The following LATS1 variants were observed in gnomAD, a reference collection of about 807,000 sequenced individuals.
LATS1 encodes large tumor suppressor kinase 1.
In LATS1, 25 loss-of-function variants were observed where a neutral mutation model predicts 106.6. The observed-to-expected ratio is 0.23, with a 90% confidence interval of 0.17 to 0.33. The LOEUF (loss-of-function observed/expected upper bound fraction) is 0.33, where lower values mean the gene tolerates loss of function less well. Ranked by LOEUF, LATS1 falls within the 10% of genes least tolerant of loss-of-function variation. LATS1 has a pLI of 1.00. For missense variants in LATS1, 1,040 were observed against 1,382.6 expected, an observed-to-expected ratio of 0.75 and a Z score of 3.93; for synonymous variants, 465 against 455.6, an observed-to-expected ratio of 1.02 and a Z score of -0.26.
Position 149,661,116 on chromosome 6 carries a change from G to T in LATS1, c.*613C>A. Reference sequence around the variant, plus strand: ...TTAAATATTCCATGGGGCGGGGGGTGGGGGGGAAGATAAATGCATTATTTT... The same window carrying T: ...TTAAATATTCCATGGGGCGGGGGGTTGGGGGGAAGATAAATGCATTATTTT... On this transcript the variant is annotated 3_prime_UTR_variant, in exon 8 of 8. Transcript: ENST00000543571. The T allele has an allele frequency of 2.1e-5, 1 of 48,166 alleles. No individual in the cohort carries two copies. Among genetic ancestry groups the T allele is most frequent in the Non-Finnish European group, 3.7e-5 (1 of 26,864 alleles). 3.0% of individuals were successfully genotyped at this position (48,166 alleles called of 1,614,324 possible). A position where few individuals can be genotyped will look rare whatever the true frequency, so the allele number is the denominator to read the frequency against.
intron 1 of LATS1, among the ~76,000 whole-genome samples, chr6:149,707,946 A>T (rs989167202): frequency 6.6e-6 from 1 of 152,126 alleles, no homozygotes; most frequent in Non-Finnish European, 1.5e-5. Context: ...CCTGGCATCA[A>T]GCAATCCTAC....
intron 3 of LATS1, among the ~76,000 whole-genome samples, chr6:149,687,381 G>A (rs975086208): frequency 3.3e-5 from 5 of 151,680 alleles, no homozygotes; most frequent in African/African-American, 1.2e-4. Context: ...ATGAGCTACC[G>A]CATCCAGCCA....
rs1582941053 is a variant in LATS1, at chr6:149,715,500, G to GT, written c.-141+2348dup. Among the ~76,000 whole-genome samples the GT allele has an allele frequency of 4.6e-5, 7 of 152,210 alleles. No homozygotes were observed. In the East Asian group the frequency reaches 1.4e-3, roughly 29 times the overall value. ...AATATTCTTGTTCTGAGTTCAGGTG[G>GT]TAAGTTCATGGATGTTCATTTTATT... is the stretch of plus-strand genomic sequence containing the variant. On this transcript the variant is annotated intron_variant, in intron 1 of 7. Transcript: ENST00000543571.
chr6:149,682,307 CA>C (rs1782082289), intron 4 of LATS1, among the ~76,000 whole-genome samples: 1 of 151,980 alleles, frequency 6.6e-6, no homozygotes, highest in South Asian at 2.1e-4. Context: ...AACTTCTTTA[CA>C]CTTTTTAATA....
chr6:149,671,887 G>T (rs1781460014), intron 7 of LATS1, among the ~76,000 whole-genome samples: 1 of 151,542 alleles, frequency 6.6e-6, no homozygotes, highest in Non-Finnish European at 1.5e-5. Context: ...TTAGATCTAT[G>T]ATTTCTTTCT....
chr6:149,686,854 C>A (rs1308660537), intron 3 of LATS1, among the ~76,000 whole-genome samples: 1 of 152,144 alleles, frequency 6.6e-6, no homozygotes, highest in African/African-American at 2.4e-5. Context: ...CGAGGATAAA[C>A]CATCTATTGC....
rs138053626 is a variant in LATS1, at chr6:149,677,977, G to A, written c.2594-1240C>T. ...GGAGGTTGCAGTGGGCCGAGATCGC[G>A]CCACTGCACTCCAGCCTGGCAACAG... On this transcript the variant is annotated intron_variant, in intron 5 of 7. Transcript: ENST00000543571. 1.6e-3 allele frequency among the ~76,000 whole-genome samples: 237 copies of A among 149,196 alleles called. 1 individual carries two copies. Among genetic ancestry groups the A allele is most frequent in the African/African-American group, 5.5e-3 (221 of 40,508 alleles).
intron 2 of LATS1, 58 bp from the exon 3 acceptor site, chr6:149,695,279 A>C (rs1474030629): frequency 8.6e-7 from 1 of 1,161,926 alleles, no homozygotes; most frequent in Non-Finnish European, 1.2e-6. Flanking sequence ...ACAATAATAC[A>C]AGGGAAAGAA....
In LATS1 at chr6:149,704,505, G is replaced by A. The variant is rs554468685; in HGVS notation, c.-140-2239C>T. On this transcript the variant is annotated intron_variant, in intron 1 of 7. Coordinates refer to ENST00000543571, the MANE Select transcript of LATS1 (RefSeq NM_004690.4). ...GGGTTTTTTTTTTGTTTTTTTTTTTGAGACAGGGTCTCATTCTGTTGCTCA... is the reference window on the plus strand; with the variant it reads ...GGGTTTTTTTTTTGTTTTTTTTTTTAAGACAGGGTCTCATTCTGTTGCTCA... 3.4e-3 allele frequency among the ~76,000 whole-genome samples: 261 copies of A among 77,664 alleles called. 1 individual carries two copies. The Middle Eastern group carries it at 0.061, about 18-fold the overall frequency. The allele number at this position is 77,664 out of a possible 152,430, so 51.0% of individuals were successfully genotyped here.
intron 7 of LATS1, among the ~76,000 whole-genome samples, chr6:149,669,631 TG>T (rs1781341174): frequency 6.6e-6 from 1 of 151,724 alleles, no homozygotes; most frequent in East Asian, 1.9e-4. Context: ...CGTGATGGCA[TG>T]TGCCTGTAAT....
chr6:149,659,255 C>A lies in LATS1; in HGVS notation c.*2474G>T. 1 of 180,242 alleles carries A rather than the reference C, an allele frequency of 5.5e-6. No homozygotes were observed. The highest frequency in any genetic ancestry group is 9.1e-5 in the East Asian group (1 of 10,942). The allele number at this position is 180,242 out of a possible 1,614,324, so 11.2% of individuals were successfully genotyped here. A position where few individuals can be genotyped will look rare whatever the true frequency, so the allele number is the denominator to read the frequency against. On this transcript the variant is annotated 3_prime_UTR_variant, in exon 8 of 8. Transcript: ENST00000543571. ...GGCTGAGGTGGGCATATAACTGGAG[C>A]CCAGGAATTCCACACCAACCTGGGC...
chr6:149,670,722 C>CT (rs1215926440), intron 7 of LATS1, among the ~76,000 whole-genome samples: 1 of 151,950 alleles, frequency 6.6e-6, no homozygotes, highest in Non-Finnish European at 1.5e-5. Context: ...AGATCCATTT[C>CT]TTTTTTTGAC....
chr6:149,669,429 G>C (rs1781330441), intron 7 of LATS1, among the ~76,000 whole-genome samples: 1 of 151,924 alleles, frequency 6.6e-6, no homozygotes, highest in Non-Finnish European at 1.5e-5. Flanking sequence ...CACCGTGCCT[G>C]GCTGGATGAG....
intron 1 of LATS1, among the ~76,000 whole-genome samples, chr6:149,708,124 T>G (rs1324211716): frequency 6.6e-6 from 1 of 152,222 alleles, no homozygotes; most frequent in Non-Finnish European, 1.5e-5. Flanking sequence ...TTAAAGAAAC[T>G]ATTATTTCCA....
Position 149,684,185 on chromosome 6 carries a change from G to C in LATS1, c.904C>G (p.Pro302Ala), listed in dbSNP as rs185260167. 11 of 1,614,216 alleles carry C rather than the reference G, an allele frequency of 6.8e-6. No homozygotes were observed. The highest frequency in any genetic ancestry group is 1.6e-4 in the Middle Eastern group (1 of 6,062). ...ATGGGGGAAGTGTTGAGAGGTGGTG[G>C]AGGATAGCCCTCTTGCCATGCCCCA... ...PPGAWQEGYP[P>A]PPLNTSPMNP... The change falls in exon 4 of 8, where the codon CCA becomes GCA. Residue 302 changes from proline to alanine, a missense_variant. This residue lies in a region of LATS1 where 624 missense variants were observed against 714.8 expected (regional missense o/e 0.87). Coordinates refer to ENST00000543571, the MANE Select transcript of LATS1 (RefSeq NM_004690.4).
rs535909550 is a variant in LATS1 at position 149,711,599 on chromosome 6, A to G, written c.-141+6250T>C. 1.1e-3 allele frequency among the ~76,000 whole-genome samples: 162 copies of G among 152,296 alleles called. 1 individual carries two copies. The highest frequency in any genetic ancestry group is 2.1e-3 in the Non-Finnish European group (143 of 68,024). On this transcript the variant is annotated intron_variant, in intron 1 of 7. Transcript: ENST00000543571. ...ATCATCTCAAGTTCATACTAAAAAA[A>G]TCTTCTTGTCTATTCAAAATTTAAA...
intron 1 of LATS1, among the ~76,000 whole-genome samples, chr6:149,707,966 C>T (rs1783882176): frequency 6.6e-6 from 1 of 151,874 alleles, no homozygotes; most frequent in Admixed American, 6.6e-5. Flanking sequence ...CTGCCTTGGC[C>T]TTTCTCTTTA....
chr6:149,697,863 G>A (rs1237980882), intron 2 of LATS1, among the ~76,000 whole-genome samples: 1 of 152,100 alleles, frequency 6.6e-6, no homozygotes, highest in African/African-American at 2.4e-5. Context: ...AGCCTCCAGA[G>A]AAGCTGGCAT....
chr6:149,703,386 C>T lies in LATS1; in HGVS notation c.-140-1120G>A, dbSNP rs553777183. ...ACTAGGACTCTGATATGGTTTGGAT[C>T]TGTGTCCCCACCAAATCTCATGTCG... On this transcript the variant is annotated intron_variant, in intron 1 of 7. Transcript: ENST00000543571. Among the ~76,000 whole-genome samples the T allele has an allele frequency of 1.8e-3, 270 of 152,308 alleles. 1 individual carries two copies. The Middle Eastern group carries it at 0.027, about 15-fold the overall frequency.
Sources: gnomAD v4.1 joint callset for allele counts (sites outside exome capture counted in the v4.1 genomes callset) on GRCh38, gnomAD v4.1.1 for gene constraint, gnomAD v4.1.1 regional missense constraint, MANE v1.5 for transcripts, NCBI Gene and HGNC (gene_info 2026-07-23, HGNC 2026-07-21) for gene names.